PTPN21: variants seen among roughly 807,000 people sequenced by gnomAD.
PTPN21 encodes tyrosine-protein phosphatase non-receptor type 21.
Under a neutral mutation model 131.8 loss-of-function variants are expected in PTPN21, and 77 were observed. The ratio of observed to expected loss-of-function variants is 0.58; its 90% CI spans 0.49 to 0.71. PTPN21 has a LOEUF of 0.71. PTPN21 is among the 30% of genes least tolerant of loss of function. The pLI, the probability that PTPN21 is intolerant of heterozygous loss-of-function variation, is 0.00. For synonymous variants in PTPN21, 715 were observed against 621.3 expected (o/e 1.15, Z -2.24); for missense variants, 1,552 against 1,527.1 (o/e 1.02, Z -0.27).
At chr14:88,517,317 A>G (rs1423871984) in intron 2 of PTPN21, 56 bp from the exon 3 acceptor site, 18 of 1,572,232 alleles carry the variant, frequency 1.1e-5, no homozygotes, top group Non-Finnish European at 1.4e-5. Context: ...GATTTCAATG[A>G]CTTCAGTCGC....
rs2077417900 is a variant in PTPN21, at chr14:88,469,367, A to G, written c.3235+132T>C. The G allele has an allele frequency of 1.2e-6, 1 of 864,960 alleles. No homozygotes were observed. The highest frequency in any genetic ancestry group is 1.7e-5 in the South Asian group (1 of 57,278). The allele number at this position is 864,960 out of a possible 1,614,324, so 53.6% of individuals were successfully genotyped here. ...CGTTAACCCTCCCCAAAACACTTGT[A>G]TTCTTTATGTTAAAACAAGTCCGAA... On this transcript the variant is annotated intron_variant, in intron 17 of 18. Transcript: ENST00000556564. This position sits in a 1 kb window ranked among gnomAD's most constrained non-coding sequence, Gnocchi z 4.3.
In PTPN21 at chr14:88,504,470, A is replaced by C; in HGVS notation, c.542T>G (p.Leu181Trp). The change falls in exon 6 of 19, where the codon TTG becomes TGG. Residue 181 changes from leucine (L) to tryptophan (W), a missense_variant. By Grantham distance (61) the Leu-to-Trp change is moderately conservative (BLOSUM62 -2). Around this residue, in one of 4 missense-constraint regions of PTPN21, gnomAD observed 206 missense variants for 221.6 expected, o/e 0.93. Transcript: ENST00000556564. ...PVGWLQDEKVLEEATQKVALL... is the reference protein window; with the variant it reads ...PVGWLQDEKVWEEATQKVALL... ...GGCCACTTTTTGGGTTGCTTCTTCC[A>C]ATACTTTTTCATCTTGTAACCATCC... The C allele has an allele frequency of 6.2e-7, 1 of 1,613,034 alleles. No individual in the cohort carries two copies. Among genetic ancestry groups the C allele is most frequent in the Non-Finnish European group, 8.5e-7 (1 of 1,179,072 alleles).
At chr14:88,542,878 TCA>T (rs1445378879) in intron 2 of PTPN21, among the ~76,000 whole-genome samples, 11 of 152,230 alleles carry the variant, frequency 7.2e-5, no homozygotes, top group African/African-American at 2.7e-4. Flanking sequence ...CTGAAAATAT[TCA>T]CAGATTCTTG....
At chr14:88,474,952 C>T (rs1481840386) in intron 13 of PTPN21, among the ~76,000 whole-genome samples, 2 of 151,968 alleles carry the variant, frequency 1.3e-5, no homozygotes, top group Admixed American at 6.6e-5. Flanking sequence ...ATTAGCTGGG[C>T]GTGGTGGCAC....
chr14:88,479,587 T>C lies in PTPN21; in HGVS notation c.1844A>G (p.His615Arg), dbSNP rs1420022928. Residue 615 changes from histidine to arginine, a missense_variant, in exon 13 of 19, where the codon CAC becomes CGC. Coordinates refer to ENST00000556564, the MANE Select transcript of PTPN21 (RefSeq NM_007039.4). The part of the protein sequence containing the change: ...TFQEDSLPVA[H>R]SLQEVSEPLT... ...GGGCTCGCTGACCTCCTGCAGCGAG[T>C]GCGCCACGGGCAGGCTGTCCTCCTG... 6.3e-7 allele frequency: 1 copy of C among 1,591,822 alleles called. No individual in the cohort carries two copies. Among genetic ancestry groups the C allele is most frequent in the African/African-American group, 1.3e-5 (1 of 74,610 alleles).
intron 1 of PTPN21, among the ~76,000 whole-genome samples, chr14:88,552,975 T>C (rs760133825): frequency 6.6e-6 from 1 of 152,216 alleles, no homozygotes; most frequent in Non-Finnish European, 1.5e-5. Context: ...GCGGATTAAG[T>C]AGTGTAGATG....
At chr14:88,473,141 C>CTAT (rs1209092647) in intron 14 of PTPN21, among the ~76,000 whole-genome samples, 1 of 151,870 alleles carries the variant, frequency 6.6e-6, no homozygotes, top group African/African-American at 2.4e-5. Context: ...TTATGTCATA[C>CTAT]GATATATAAA....
chr14:88,516,842 G>A (rs1314646200), intron 3 of PTPN21, among the ~76,000 whole-genome samples: 1 of 152,160 alleles, frequency 6.6e-6, no homozygotes, highest in Non-Finnish European at 1.5e-5. Flanking sequence ...TACAAGAAGA[G>A]TTCACAGAGA....
rs775840016 is a variant in PTPN21, at chr14:88,479,465, T to G, written c.1966A>C (p.Thr656Pro). The G allele has an allele frequency of 1.5e-5, 24 of 1,602,096 alleles. No individual in the cohort carries two copies. The highest frequency in any genetic ancestry group is 2.0e-5 in the Non-Finnish European group (24 of 1,179,006). Residue 656 changes from threonine (T) to proline (P), a missense_variant, in exon 13 of 19, where the codon ACC becomes CCC. By Grantham distance (38) the Thr-to-Pro change is conservative. Around this residue, in one of 4 missense-constraint regions of PTPN21, gnomAD observed 1,016 missense variants for 883.5 expected, o/e 1.15. Coordinates refer to ENST00000556564, the MANE Select transcript of PTPN21 (RefSeq NM_007039.4). ...ACCTCTGCCGCCGACGCGGATAGGG[T>G]GCGCTCCTTGAGCCGCAGGCCCTCC... ...GLEGLRLKER[T>P]LSASAAEVAP...
chr14:88,492,026 G>GC (rs2077832599), intron 10 of PTPN21, among the ~76,000 whole-genome samples: 2 of 130,806 alleles, frequency 1.5e-5, no homozygotes, highest in Admixed American at 7.4e-5. Context: ...TTGTTAATTT[G>GC]CAAAAAAAAA....
At chr14:88,518,380 GTGTGTGTATATA>G (rs1479701480) in intron 2 of PTPN21, among the ~76,000 whole-genome samples, 12 of 14,502 alleles carry the variant, frequency 8.3e-4, no homozygotes, top group African/African-American at 2.6e-3. Context: ...GTGTATGTGT[GTGTGTGTATATA>G]TATATATATA....
intron 10 of PTPN21, among the ~76,000 whole-genome samples, chr14:88,493,834 G>A (rs374288876): frequency 1.3e-5 from 2 of 152,178 alleles, no homozygotes; most frequent in African/African-American, 4.8e-5. Flanking sequence ...ATTTTCCTAA[G>A]GGATCTTACA....
chr14:88,467,358 GAAT>G lies in PTPN21; in HGVS notation c.*776_*778del, dbSNP rs1025118732. ...TAAAATCAAATTCATTTAGATCTAT[GAAT>G]AATACTGAAAAAATAATGCTTATTC... On this transcript the variant is annotated 3_prime_UTR_variant, in exon 19 of 19. Transcript: ENST00000556564. 4.6e-5 allele frequency: 7 copies of G among 152,102 alleles called. No individual in the cohort carries two copies. Among genetic ancestry groups the G allele is most frequent in the African/African-American group, 1.7e-4 (7 of 41,406 alleles). The allele number at this position is 152,102 out of a possible 1,614,324, so 9.4% of individuals were successfully genotyped here.
intron 10 of PTPN21, among the ~76,000 whole-genome samples, chr14:88,493,991 C>T (rs1223648949): frequency 6.6e-6 from 1 of 152,146 alleles, no homozygotes; most frequent in South Asian, 2.1e-4. Flanking sequence ...TCCTCAAGCA[C>T]TGCTCTAGAG....
chr14:88,528,064 T>C (rs1187324081), intron 2 of PTPN21, among the ~76,000 whole-genome samples: 2 of 152,188 alleles, frequency 1.3e-5, no homozygotes, highest in African/African-American at 4.8e-5. Flanking sequence ...TGTAGTCCAG[T>C]TGGAAGTCGG....
intron 10 of PTPN21, among the ~76,000 whole-genome samples, chr14:88,491,769 A>AT (rs2077827668): frequency 6.6e-6 from 1 of 152,232 alleles, no homozygotes; most frequent in South Asian, 2.1e-4. Context: ...GCCACAATCT[A>AT]TTGGATATAT....
At position 88,479,332 on chromosome 14, in the gene PTPN21, G is replaced by A. The variant is rs1364223412; in HGVS notation, c.2099C>T (p.Ser700Phe). Residue 700 changes from serine (S) to phenylalanine (F), a missense_variant, in exon 13 of 19, where the codon TCC (serine) becomes TTC (phenylalanine). Ser to Phe is a radical substitution (Grantham distance 155). Transcript: ENST00000556564. Reference protein sequence around the residue: ...AEGLRYGHKKSLSDATMLIHS... With the variant: ...AEGLRYGHKKFLSDATMLIHS... ...GATTAGCATGGTGGCGTCCGACAGGGACTTCTTATGGCCGTACCTCAAGCC... is the reference window on the plus strand; with the variant it reads ...GATTAGCATGGTGGCGTCCGACAGGAACTTCTTATGGCCGTACCTCAAGCC... The A allele has an allele frequency of 1.2e-6, 2 of 1,613,316 alleles. No homozygotes were observed. Among genetic ancestry groups the A allele is most frequent in the Non-Finnish European group, 1.7e-6 (2 of 1,179,654 alleles).
chr14:88,510,414 G>A lies in PTPN21; in HGVS notation c.351-2394C>T, dbSNP rs114205177. Among the ~76,000 whole-genome samples, 943 of 152,314 alleles carry A rather than the reference G, an allele frequency of 6.2e-3. 6 individuals carry two copies. Among genetic ancestry groups the A allele is most frequent in the African/African-American group, 0.021 (857 of 41,562 alleles). On this transcript the variant is annotated intron_variant, in intron 3 of 18. Coordinates refer to ENST00000556564, the MANE Select transcript of PTPN21 (RefSeq NM_007039.4). The stretch of plus-strand genomic sequence containing the variant: ...TATTTAATAATAGTTACCTTTAAGT[G>A]ATGAAGAGCTGGAGCTCAGAGATTA...
At chr14:88,512,011 G>C (rs1595385096) in intron 3 of PTPN21, among the ~76,000 whole-genome samples, 3 of 151,644 alleles carry the variant, frequency 2.0e-5, no homozygotes, top group Admixed American at 2.0e-4. Flanking sequence ...CAATGTGTAG[G>C]CATCGGCATT....
Sources: gnomAD v4.1 joint callset for allele counts (sites outside exome capture counted in the v4.1 genomes callset) on GRCh38, gnomAD v4.1.1 for gene constraint, gnomAD v4.1.1 regional missense constraint, Gnocchi (gnomAD v3.1) non-coding constraint, MANE v1.5 for transcripts, NCBI Gene and HGNC (gene_info 2026-07-23, HGNC 2026-07-21) for gene names.